FGF14: variants seen among roughly 807,000 people sequenced by gnomAD.
The protein encoded by FGF14 is fibroblast growth factor 14, also known as fibroblast growth factor homologous factor 4.
FGF14 carries 5 observed loss-of-function variants against 25.5 expected under a neutral mutation model. That is an observed-to-expected ratio of 0.20 (90% CI 0.10 to 0.41). FGF14 has a LOEUF of 0.41. FGF14 is among the 10% of genes least tolerant of loss of function. The pLI, the probability that FGF14 is intolerant of heterozygous loss-of-function variation, is 1.00. For missense variants in FGF14, 222 were observed against 320.1 expected, an observed-to-expected ratio of 0.69 and a Z score of 2.34; for synonymous variants, 138 against 118.3, an observed-to-expected ratio of 1.17 and a Z score of -1.08.
chr13:102,365,948 A>G (rs16960109), intron 1 of FGF14, among the ~76,000 whole-genome samples: 12,662 of 152,150 alleles, frequency 0.083, 1,703 homozygotes, highest in African/African-American at 0.28. Context: ...TGATCTAAAC[A>G]ATGTTCTCTC....
At chr13:102,038,053 G>A (rs568153259) in intron 1 of FGF14, among the ~76,000 whole-genome samples, 1 of 152,268 alleles carries the variant, frequency 6.6e-6, no homozygotes, top group African/African-American at 2.4e-5. Flanking sequence ...TACAGCTAGA[G>A]AGATTGCTAA....
At chr13:102,276,494 T>C (rs1311631947) in intron 1 of FGF14, among the ~76,000 whole-genome samples, 1 of 151,786 alleles carries the variant, frequency 6.6e-6, no homozygotes, top group Non-Finnish European at 1.5e-5. Context: ...GTTCATTGCA[T>C]CTGACACAGA....
chr13:102,269,647 C>T (rs560468848), intron 1 of FGF14, among the ~76,000 whole-genome samples: 1 of 152,294 alleles, frequency 6.6e-6, no homozygotes, highest in African/African-American at 2.4e-5. Context: ...TCTCCGCCTC[C>T]TGAGTAGCTA....
At chr13:101,809,473 C>T (rs949540816) in intron 3 of FGF14, among the ~76,000 whole-genome samples, 3 of 152,086 alleles carry the variant, frequency 2.0e-5, no homozygotes, top group African/African-American at 7.2e-5. Context: ...AAATGGGACT[C>T]CATTTTGCTG....
chr13:102,307,824 T>G (rs993188781), intron 1 of FGF14, among the ~76,000 whole-genome samples: 2 of 152,128 alleles, frequency 1.3e-5, no homozygotes, highest in African/African-American at 4.8e-5. Flanking sequence ...CAACCCCCAT[T>G]GCAGCTCTCT....
intron 1 of FGF14, among the ~76,000 whole-genome samples, chr13:102,383,470 T>C (rs2058233148): frequency 6.6e-6 from 1 of 152,208 alleles, no homozygotes. Context: ...TTCAACATAT[T>C]ACTATCTTTT....
At chr13:102,307,206 T>C (rs9300734) in intron 1 of FGF14, among the ~76,000 whole-genome samples, 84,861 of 151,850 alleles carry the variant, frequency 0.56, 23,986 homozygotes, top group African/African-American at 0.63. Flanking sequence ...CTCAATCCCA[T>C]GACCATATGG....
chr13:102,072,125 A>G (rs1317438714), intron 1 of FGF14, among the ~76,000 whole-genome samples: 1 of 152,240 alleles, frequency 6.6e-6, no homozygotes, highest in African/African-American at 2.4e-5. Context: ...TGAAAGAAGA[A>G]CAGAAAATCA....
intron 3 of FGF14, among the ~76,000 whole-genome samples, chr13:101,760,574 C>T: frequency 6.6e-6 from 1 of 152,020 alleles, no homozygotes; most frequent in South Asian, 2.1e-4. Context: ...GTCAGTGGCT[C>T]CCCATCCCTT....
chr13:101,812,699 G>C (rs1319020996), intron 3 of FGF14, among the ~76,000 whole-genome samples: 1 of 57,096 alleles, frequency 1.8e-5, no homozygotes, highest in Non-Finnish European at 3.3e-5. Flanking sequence ...TTTTGCTGTT[G>C]TCACCAAGGT....
chr13:102,250,922 T>C (rs564872939), intron 1 of FGF14, among the ~76,000 whole-genome samples: 3 of 152,312 alleles, frequency 2.0e-5, no homozygotes, highest in Non-Finnish European at 4.4e-5. Flanking sequence ...TTAGAGTAAT[T>C]TTTCTGCAAA....
intron 1 of FGF14, among the ~76,000 whole-genome samples, chr13:101,990,576 G>A (rs929768933): frequency 6.6e-6 from 1 of 152,048 alleles, no homozygotes; most frequent in Non-Finnish European, 1.5e-5. Flanking sequence ...GTCCTTGAGG[G>A]AGGACTTGAT....
chr13:102,269,109 T>C (rs1803533362), intron 1 of FGF14, among the ~76,000 whole-genome samples: 1 of 152,216 alleles, frequency 6.6e-6, no homozygotes, highest in Admixed American at 6.5e-5. Flanking sequence ...AAACAGGCAG[T>C]GAATGACTTG....
intron 1 of FGF14, among the ~76,000 whole-genome samples, chr13:101,994,980 A>C (rs1271491808): frequency 3.3e-5 from 5 of 152,154 alleles, no homozygotes; most frequent in African/African-American, 1.2e-4. Flanking sequence ...TTATTTGGCT[A>C]CTAATTACAA....
At chr13:102,154,983 C>T (rs577898381) in intron 1 of FGF14, among the ~76,000 whole-genome samples, 1 of 152,240 alleles carries the variant, frequency 6.6e-6, no homozygotes, top group Admixed American at 6.5e-5. Context: ...TATATATGCA[C>T]CAAATACAGG....
intron 1 of FGF14, among the ~76,000 whole-genome samples, chr13:102,100,341 A>C (rs986914497): frequency 1.3e-5 from 2 of 152,076 alleles, no homozygotes; most frequent in African/African-American, 4.8e-5. Context: ...ACAAGGAGAG[A>C]GCCATTTCCT....
intron 1 of FGF14, among the ~76,000 whole-genome samples, chr13:101,889,416 T>C (rs1466383700): frequency 6.6e-6 from 1 of 152,216 alleles, no homozygotes; most frequent in Admixed American, 6.5e-5. Flanking sequence ...ATTCACTTTC[T>C]GTCTCAACAT....
At chr13:101,994,439 T>C (rs2039073745) in intron 1 of FGF14, among the ~76,000 whole-genome samples, 1 of 152,074 alleles carries the variant, frequency 6.6e-6, no homozygotes, top group East Asian at 1.9e-4. Flanking sequence ...GAGGACTTAT[T>C]GCCAATGATC....
intron 1 of FGF14, among the ~76,000 whole-genome samples, chr13:102,268,923 G>A (rs920824028): frequency 1.8e-4 from 28 of 152,184 alleles, no homozygotes; most frequent in Admixed American, 5.2e-4. Context: ...ATAGGTTACT[G>A]AGAAGATAGA....
Sources: gnomAD v4.1 joint callset for allele counts (sites outside exome capture counted in the v4.1 genomes callset) on GRCh38, gnomAD v4.1.1 for gene constraint, MANE v1.5 for transcripts, NCBI Gene and HGNC (gene_info 2026-07-23, HGNC 2026-07-21) for gene names.